CRACDL: variants seen among roughly 807,000 people sequenced by gnomAD.
CRACDL encodes the protein CRACD-like protein.
A neutral mutation model predicts 70.6 loss-of-function variants in CRACDL; 26 were observed. The ratio of observed to expected loss-of-function variants is 0.37; its 90% CI spans 0.27 to 0.51. The LOEUF is 0.51. CRACDL is among the 20% of genes least tolerant of loss of function. The pLI is 0.94. For missense variants in CRACDL, 1,283 were observed against 1,376.9 expected, an observed-to-expected ratio of 0.93 and a Z score of 1.08; for synonymous variants, 618 against 615.2, an observed-to-expected ratio of 1.00 and a Z score of -0.07.
At chr2:98,803,022 T>C (rs1575321790) in intron 7 of CRACDL, among the ~76,000 whole-genome samples, 2 of 145,726 alleles carry the variant, frequency 1.4e-5, no homozygotes, top group East Asian at 2.0e-4. Context: ...TTTTTTGAGA[T>C]GGAGTCTCGC....
In CRACDL at chr2:98,822,246, C is replaced by A; in HGVS notation, c.2027G>T (p.Ser676Ile). ...PCPAAQEPAP[S>I]EDRNPFPVKL... Reference sequence around the variant, plus strand: ...GACGGGGAAGGGGTTTCTGTCCTCACTCGGGGCCGGCTCCTGGGCGGCTGG... The same window carrying A: ...GACGGGGAAGGGGTTTCTGTCCTCAATCGGGGCCGGCTCCTGGGCGGCTGG... Residue 676 changes from serine to isoleucine, a missense_variant, in exon 7 of 10, where the codon AGT becomes ATT. Transcript: ENST00000397899. This position sits in a 1 kb window ranked among gnomAD's most constrained non-coding sequence, Gnocchi z 4.9. 2 of 1,599,498 alleles carry A rather than the reference C, an allele frequency of 1.3e-6. No homozygotes were observed. Among genetic ancestry groups the A allele is most frequent in the South Asian group, 2.2e-5 (2 of 90,494 alleles).
In CRACDL at chr2:98,822,580, C is replaced by T. The variant is rs1436784865; in HGVS notation, c.1693G>A (p.Gly565Ser). 4.8e-5 allele frequency: 69 copies of T among 1,445,042 alleles called. No individual in the cohort carries two copies. The highest frequency in any genetic ancestry group is 6.0e-5 in the Non-Finnish European group (66 of 1,105,672). The allele number at this position is 1,445,042 out of a possible 1,614,324, so 89.5% of individuals were successfully genotyped here. A position where few individuals can be genotyped will look rare whatever the true frequency, so the allele number is the denominator to read the frequency against. ...TTCTTCGCGCCTCGCAGCTCGGCAC[C>T]GCCCCTCTCCGCCTTCCGCTCTGGC... ...AAPERKAERG[G>S]AELRGAKKFS... The change falls in exon 7 of 10, where the codon GGT becomes AGT. Residue 565 changes from glycine (G) to serine (S), a missense_variant. Physicochemically the swap from Gly to Ser is moderately conservative, Grantham distance 56. This residue lies in a region of CRACDL where 921 missense variants were observed against 881.9 expected (regional missense o/e 1.04). Coordinates refer to ENST00000397899, the MANE Select transcript of CRACDL (RefSeq NM_207362.3). This position sits in a 1 kb window ranked among gnomAD's most constrained non-coding sequence, Gnocchi z 4.9.
rs72958649 is a variant in CRACDL, at chr2:98,812,556, G to C, written c.2416+9301C>G. ...ATTTTTTGTTTTGGTCATTTTAATAGTTACGTAATGGTATCTCATTATGGT... is the reference window on the plus strand; with the variant it reads ...ATTTTTTGTTTTGGTCATTTTAATACTTACGTAATGGTATCTCATTATGGT... On this transcript the variant is annotated intron_variant, in intron 7 of 9. Transcript: ENST00000397899. Among the ~76,000 whole-genome samples, 476 of 152,220 alleles carry C rather than the reference G, an allele frequency of 3.1e-3. 2 individuals are homozygous for C. Among genetic ancestry groups the C allele is most frequent in the African/African-American group, 0.011 (446 of 41,510 alleles).
At chr2:98,837,539 A>G (rs1705849418) in intron 3 of CRACDL, among the ~76,000 whole-genome samples, 1 of 152,232 alleles carries the variant, frequency 6.6e-6, no homozygotes, top group Non-Finnish European at 1.5e-5. Context: ...GAATAACTGC[A>G]GCATATGTAC....
chr2:98,828,828 C>A (rs1705422415), intron 5 of CRACDL, among the ~76,000 whole-genome samples: 1 of 152,214 alleles, frequency 6.6e-6, no homozygotes, highest in Admixed American at 6.5e-5. Context: ...AGTCTCCTGG[C>A]AACAAGTACA....
chr2:98,808,537 T>C (rs1030798742), intron 7 of CRACDL, among the ~76,000 whole-genome samples: 5 of 152,166 alleles, frequency 3.3e-5, no homozygotes, highest in Non-Finnish European at 4.4e-5. Flanking sequence ...TCTTGAGAAC[T>C]GGGCTGACAT....
At chr2:98,889,010 C>T (rs569491228) in intron 1 of CRACDL, among the ~76,000 whole-genome samples, 1 of 151,858 alleles carries the variant, frequency 6.6e-6, no homozygotes, top group East Asian at 1.9e-4. Flanking sequence ...CACCTATAGT[C>T]CCAGCTACTC....
intron 1 of CRACDL, among the ~76,000 whole-genome samples, chr2:98,875,149 C>T (rs1707451825): frequency 6.6e-6 from 1 of 152,210 alleles, no homozygotes; most frequent in Non-Finnish European, 1.5e-5. Context: ...GTACAACCGC[C>T]TAAGTTAAGC....
chr2:98,914,136 A>G (rs1708609575), intron 1 of CRACDL, among the ~76,000 whole-genome samples: 1 of 152,250 alleles, frequency 6.6e-6, no homozygotes, highest in African/African-American at 2.4e-5. Context: ...GGAGCCAGGA[A>G]GCCGAGGCAG....
rs368324931 is a variant in CRACDL at position 98,803,634 on chromosome 2, T to C, written c.2417-6097A>G. 1.1e-4 allele frequency among the ~76,000 whole-genome samples: 16 copies of C among 152,322 alleles called. No homozygotes were observed. In the East Asian group the frequency reaches 1.7e-3, roughly 17 times the overall value. The stretch of plus-strand genomic sequence containing the variant: ...ATATGCTACTTCCAATTTTCTCCAT[T>C]ATGCTGTCATCCTAAAAATGCACAT... On this transcript the variant is annotated intron_variant, in intron 7 of 9. Coordinates refer to ENST00000397899, the MANE Select transcript of CRACDL (RefSeq NM_207362.3).
intron 1 of CRACDL, among the ~76,000 whole-genome samples, chr2:98,933,354 G>A (rs951596931): frequency 2.6e-5 from 4 of 152,218 alleles, no homozygotes; most frequent in Non-Finnish European, 1.5e-5. Flanking sequence ...TCCCCGAGGA[G>A]TAACGTGGAA....
intron 1 of CRACDL, among the ~76,000 whole-genome samples, chr2:98,920,008 C>T (rs1192297389): frequency 6.6e-6 from 1 of 152,202 alleles, no homozygotes; most frequent in Non-Finnish European, 1.5e-5. Context: ...CCTGCCTCAG[C>T]CTCCCAAATT....
intron 7 of CRACDL, among the ~76,000 whole-genome samples, chr2:98,820,458 C>A (rs953121672): frequency 1.3e-5 from 2 of 152,096 alleles, no homozygotes; most frequent in African/African-American, 4.8e-5. Flanking sequence ...CACTTGAACC[C>A]GGCAGGTGGA....
intron 1 of CRACDL, among the ~76,000 whole-genome samples, chr2:98,886,788 GAGAA>G (rs1186169992): frequency 2.0e-5 from 3 of 152,100 alleles, no homozygotes; most frequent in Admixed American, 6.5e-5. Flanking sequence ...CCTAGGGAGA[GAGAA>G]AGAATCTAAT....
intron 3 of CRACDL, 29 bp downstream of exon 3, chr2:98,838,090 T>C: frequency 1.3e-6 from 2 of 1,573,598 alleles, no homozygotes; most frequent in South Asian, 1.2e-5. Flanking sequence ...TAGGTGCTCC[T>C]GGCCCGAGGG....
At chr2:98,865,884 T>A (rs990297961) in intron 1 of CRACDL, among the ~76,000 whole-genome samples, 19 of 145,332 alleles carry the variant, frequency 1.3e-4, no homozygotes, top group African/African-American at 4.9e-4. Flanking sequence ...CACTACAACC[T>A]CTGTCTCCTG....
intron 3 of CRACDL, among the ~76,000 whole-genome samples, chr2:98,833,235 T>C (rs1705621022): frequency 6.6e-6 from 1 of 152,224 alleles, no homozygotes; most frequent in Non-Finnish European, 1.5e-5. Flanking sequence ...TTGTGTGAAT[T>C]ATTTTTGTAT....
At chr2:98,824,513 G>A (rs1007863975) in intron 6 of CRACDL, among the ~76,000 whole-genome samples, 8 of 152,044 alleles carry the variant, frequency 5.3e-5, no homozygotes, top group South Asian at 4.2e-4. Context: ...CTGCTCTCTC[G>A]GGAAGGAAAG....
intron 7 of CRACDL, among the ~76,000 whole-genome samples, chr2:98,816,821 T>C (rs1704800616): frequency 6.6e-6 from 1 of 152,190 alleles, no homozygotes; most frequent in African/African-American, 2.4e-5. Context: ...TGAGCAAAGT[T>C]GGTTTTCTTT....
Sources: allele counts gnomAD v4.1 joint callset (sites outside exome capture counted in the v4.1 genomes callset), GRCh38; gene constraint gnomAD v4.1.1; regional missense constraint gnomAD v4.1.1; non-coding constraint Gnocchi (gnomAD v3.1); transcripts MANE v1.5; gene names NCBI Gene and HGNC (gene_info 2026-07-23, HGNC 2026-07-21).